The following EPAS1 variants were observed in gnomAD, a reference collection of about 807,000 sequenced individuals.
The protein encoded by EPAS1 is endothelial PAS domain-containing protein 1.
EPAS1 carries 23 observed loss-of-function variants against 87.9 expected under a neutral mutation model. That is an observed-to-expected ratio of 0.26 (90% confidence interval 0.19 to 0.37). EPAS1 has a LOEUF of 0.37. Ranked by LOEUF, EPAS1 falls within the 10% of genes least tolerant of loss-of-function variation. EPAS1 has a pLI of 1.00. For missense variants in EPAS1, 1,138 were observed against 1,120.7 expected (o/e 1.02, Z -0.22); for synonymous variants, 508 against 444.3 (o/e 1.14, Z -1.80).
intron 1 of EPAS1, among the ~76,000 whole-genome samples, chr2:46,316,762 T>C (rs1683350103): frequency 6.6e-6 from 1 of 152,098 alleles, no homozygotes. Context: ...GAATGAAGTT[T>C]TTTACATCAA....
In EPAS1 at chr2:46,360,777, G is replaced by T. The variant is rs1442227852; in HGVS notation, c.573+21G>T. The T allele has an allele frequency of 6.2e-7, 1 of 1,613,574 alleles. No homozygotes were observed. The highest frequency in any genetic ancestry group is 1.3e-5 in the African/African-American group (1 of 74,886). ...GGAAGGTAGGGCAACATCAGGCCTG[G>T]GTTGGAGTCCCAGGTGTAGGGTAAC... On this transcript the variant is annotated intron_variant, in intron 5 of 15. Coordinates refer to ENST00000263734, the MANE Select transcript of EPAS1 (RefSeq NM_001430.5). The surrounding 1 kb of genome is among the most constrained non-coding windows in gnomAD (Gnocchi z 4.5).
chr2:46,383,536 T>C (rs997043831), intron 15 of EPAS1, among the ~76,000 whole-genome samples: 5 of 152,216 alleles, frequency 3.3e-5, no homozygotes, highest in Non-Finnish European at 5.9e-5. Context: ...GTCCAGGCTG[T>C]AGAAACACCA....
chr2:46,343,691 G>A (rs1683954722), intron 1 of EPAS1, among the ~76,000 whole-genome samples: 1 of 152,224 alleles, frequency 6.6e-6, no homozygotes, highest in Admixed American at 6.5e-5. Context: ...TGAACCAAGA[G>A]GCTGCCTAAG....
chr2:46,338,340 T>G (rs1159377539), intron 1 of EPAS1, among the ~76,000 whole-genome samples: 1 of 152,208 alleles, frequency 6.6e-6, no homozygotes, highest in Admixed American at 6.5e-5. Flanking sequence ...GGTTGTTTCC[T>G]AGTTATATAG....
rs75379341 is a variant in EPAS1 at position 46,309,686 on chromosome 2, C to T, written c.26+11749C>T. On this transcript the variant is annotated intron_variant, in intron 1 of 15. Transcript: ENST00000263734. Reference sequence around the variant, plus strand: ...AGTAAAATGAGAAGGCAGCAATAAACAGAGTGTGCAGGCCAGGACTGGTGA... The same window carrying T: ...AGTAAAATGAGAAGGCAGCAATAAATAGAGTGTGCAGGCCAGGACTGGTGA... 1.0e-3 allele frequency among the ~76,000 whole-genome samples: 153 copies of T among 152,270 alleles called. 4 individuals are homozygous for T. The East Asian group carries it at 0.023, about 23-fold the overall frequency.
At chr2:46,369,729 G>T (rs1684585146) in intron 6 of EPAS1, 98 bp from the exon 7 acceptor site, 1 of 785,370 alleles carries the variant, frequency 1.3e-6, no homozygotes. Flanking sequence ...ATCTGCATGT[G>T]TGTGTTTGAT....
At position 46,382,539 on chromosome 2, in the gene EPAS1, C is replaced by A. The variant is rs1443051369; in HGVS notation, c.2402C>A (p.Pro801Gln). The part of the protein sequence containing the change: ...PGENSKSRFP[P>Q]QCYATQYQDY... Reference sequence around the variant, plus strand: ...GAGAACAGCAAGAGCAGGTTCCCCCCACAGTGCTACGCCACCCAGTACCAG... The same window carrying A: ...GAGAACAGCAAGAGCAGGTTCCCCCAACAGTGCTACGCCACCCAGTACCAG... The change falls in exon 15 of 16, where the codon CCA (proline) becomes CAA (glutamine). Residue 801 changes from proline to glutamine, a missense_variant. Physicochemically the swap from Pro to Gln is moderately conservative, Grantham distance 76. Coordinates refer to ENST00000263734, the MANE Select transcript of EPAS1 (RefSeq NM_001430.5). 8.1e-6 allele frequency: 13 copies of A among 1,614,056 alleles called. No homozygotes were observed. Among genetic ancestry groups the A allele is most frequent in the East Asian group, 4.5e-5 (2 of 44,892 alleles).
Position 46,300,145 on chromosome 2 carries a change from G to C in EPAS1, c.26+2208G>C, listed in dbSNP as rs915264564. ...TTTTCGTGCCTGGGTCTGTTTGCTG[G>C]CTGCAGGCTTCTTTAGGGACCAAGA... On this transcript the variant is annotated intron_variant, in intron 1 of 15. Coordinates refer to ENST00000263734, the MANE Select transcript of EPAS1 (RefSeq NM_001430.5). This position sits in a 1 kb window ranked among gnomAD's most constrained non-coding sequence, Gnocchi z 4.1. Among the ~76,000 whole-genome samples, 6 of 152,346 alleles carry C rather than the reference G, an allele frequency of 3.9e-5. No individual in the cohort carries two copies. In the South Asian group the frequency reaches 1.2e-3, roughly 32 times the overall value.
At chr2:46,377,318 C>T (rs747354563) in intron 9 of EPAS1, among the ~76,000 whole-genome samples, 8 of 152,238 alleles carry the variant, frequency 5.3e-5, no homozygotes, top group Non-Finnish European at 1.0e-4. Flanking sequence ...TTTCAGCCCT[C>T]GGCTGCTCCA....
chr2:46,352,149 C>T (rs1237051939), intron 2 of EPAS1, among the ~76,000 whole-genome samples: 3 of 152,148 alleles, frequency 2.0e-5, no homozygotes, highest in South Asian at 2.1e-4. Flanking sequence ...GAAGGGTCCT[C>T]GGAAGCAAGT....
At position 46,321,691 on chromosome 2, in the gene EPAS1, C is replaced by T. The variant is rs7575086; in HGVS notation, c.26+23754C>T. Among the ~76,000 whole-genome samples, 723 of 150,608 alleles carry T rather than the reference C, an allele frequency of 4.8e-3. 5 individuals carry two copies. Among genetic ancestry groups the T allele is most frequent in the African/African-American group, 0.017 (691 of 40,914 alleles). On this transcript the variant is annotated intron_variant, in intron 1 of 15. Transcript: ENST00000263734. The stretch of plus-strand genomic sequence containing the variant: ...TGCCTGTTCCTTGCCCCCCACCCCA[C>T]CCCCGCACCCCCACAACAGCCTGTG...
At chr2:46,302,984 A>G (rs1683041653) in intron 1 of EPAS1, among the ~76,000 whole-genome samples, 1 of 152,170 alleles carries the variant, frequency 6.6e-6, no homozygotes, top group African/African-American at 2.4e-5. Flanking sequence ...GAGGCAGGAG[A>G]ATCGCTTGAA....
At chr2:46,378,268 C>A (rs573858806) in intron 10 of EPAS1, among the ~76,000 whole-genome samples, 181 bp downstream of exon 10, 1 of 152,326 alleles carries the variant, frequency 6.6e-6, no homozygotes, top group East Asian at 1.9e-4. Context: ...TAGTGTTCAT[C>A]CCCCAACTCC....
Position 46,384,957 on chromosome 2 carries a change from T to C in EPAS1, c.*297T>C. 1 of 421,274 alleles carries C rather than the reference T, an allele frequency of 2.4e-6. No homozygotes were observed. Among genetic ancestry groups the C allele is most frequent in the Non-Finnish European group, 4.4e-6 (1 of 224,860 alleles). 26.1% of individuals were successfully genotyped at this position (421,274 alleles called of 1,614,324 possible). On this transcript the variant is annotated 3_prime_UTR_variant, in exon 16 of 16. Transcript: ENST00000263734. ...AATTTATATTATCCATAGGTTTCTCTCCCTCCTTCTCCTTCTCACACACAA... is the reference window on the plus strand; with the variant it reads ...AATTTATATTATCCATAGGTTTCTCCCCCTCCTTCTCCTTCTCACACACAA...
intron 11 of EPAS1, among the ~76,000 whole-genome samples, chr2:46,379,500 T>C (rs1212023804): frequency 1.3e-5 from 2 of 152,216 alleles, no homozygotes; most frequent in Non-Finnish European, 2.9e-5. Flanking sequence ...GTATATATCA[T>C]GTGGCACTTA....
At chr2:46,356,649 G>A in intron 3 of EPAS1, 75 bp from the exon 4 acceptor site, 1 of 1,183,342 alleles carries the variant, frequency 8.5e-7, no homozygotes, top group Non-Finnish European at 1.3e-6. Flanking sequence ...AAATCTGGAA[G>A]GTGGCTCAGC....
chr2:46,383,915 C>A (rs538373985), intron 15 of EPAS1, among the ~76,000 whole-genome samples: 4 of 152,160 alleles, frequency 2.6e-5, no homozygotes, highest in Non-Finnish European at 5.9e-5. Flanking sequence ...CATCTCCCAT[C>A]GGAGGGGCAG....
chr2:46,298,295 C>G (rs549721551), intron 1 of EPAS1, among the ~76,000 whole-genome samples: 1 of 152,360 alleles, frequency 6.6e-6, no homozygotes, highest in East Asian at 1.9e-4. Flanking sequence ...TTTGTGGGTG[C>G]ATGTCCTCGA....
chr2:46,381,545 G>A (rs757461323), intron 12 of EPAS1, 51 bp from the exon 13 acceptor site: 2 of 1,613,594 alleles, frequency 1.2e-6, no homozygotes, highest in Non-Finnish European at 1.7e-6. Flanking sequence ...AAGGCACTGA[G>A]TGGCATGTGG....
Sources: gnomAD v4.1 joint callset for allele counts (sites outside exome capture counted in the v4.1 genomes callset) on GRCh38, gnomAD v4.1.1 for gene constraint, Gnocchi (gnomAD v3.1) non-coding constraint, MANE v1.5 for transcripts, NCBI Gene and HGNC (gene_info 2026-07-23, HGNC 2026-07-21) for gene names.